SYNE1: variants seen among roughly 807,000 people sequenced by gnomAD.
SYNE1 encodes nesprin-1.
SYNE1 carries 616 observed loss-of-function variants against 1,111.0 expected under a neutral mutation model. That is an observed-to-expected ratio of 0.55 (90% CI 0.52 to 0.59). The LOEUF is 0.59. SYNE1 is among the 20% of genes least tolerant of loss of function. The pLI is 0.00. For synonymous variants in SYNE1, 3,855 were observed against 3,825.8 expected, an observed-to-expected ratio of 1.01 and a Z score of -0.28; for missense variants, 10,006 against 10,417.0, an observed-to-expected ratio of 0.96 and a Z score of 1.72.
At chr6:152,545,713 G>A (rs1201432145) in intron 3 of SYNE1, among the ~76,000 whole-genome samples, 2 of 152,210 alleles carry the variant, frequency 1.3e-5, no homozygotes, top group East Asian at 3.9e-4. Context: ...ATTTATAGGA[G>A]CTTGCAATAG....
rs751959963 is a variant in SYNE1 at position 152,376,431 on chromosome 6, C to CA, written c.9273dup (p.Asp3092Ter). ...ACTTCACTTATATTTTGAGGTATAT[C>CA]AAAACACTTGGCGGTAGTGATTTTT... On this transcript the variant is annotated frameshift_variant, in exon 58 of 146. Transcript: ENST00000367255. LOFTEE classifies it high-confidence loss of function. 6.2e-7 allele frequency: 1 copy of CA among 1,614,076 alleles called. No individual in the cohort carries two copies. The highest frequency in any genetic ancestry group is 1.1e-5 in the South Asian group (1 of 91,086).
chr6:152,230,854 C>A, intron 114 of SYNE1, 152 bp from the exon 115 acceptor site: 1 of 880,926 alleles, frequency 1.1e-6, no homozygotes, highest in Non-Finnish European at 1.7e-6. Flanking sequence ...GGTGTCTAAT[C>A]TTTTGGCTTC....
At chr6:152,606,860 T>C (rs1362189250) in intron 3 of SYNE1, among the ~76,000 whole-genome samples, 1 of 151,530 alleles carries the variant, frequency 6.6e-6, no homozygotes, top group Non-Finnish European at 1.5e-5. Context: ...TTCACCATGT[T>C]AGCCAGGATG....
intron 11 of SYNE1, among the ~76,000 whole-genome samples, chr6:152,490,858 G>A (rs1359070250): frequency 6.6e-6 from 1 of 152,132 alleles, no homozygotes; most frequent in Non-Finnish European, 1.5e-5. Context: ...GCCAGCCCAA[G>A]GAACATCTTA....
intron 56 of SYNE1, among the ~76,000 whole-genome samples, chr6:152,377,531 C>A (rs2097303987): frequency 6.9e-6 from 1 of 144,408 alleles, no homozygotes; most frequent in African/African-American, 2.6e-5. Flanking sequence ...ATCCCTAGAA[C>A]CTGGGAGGTG....
At chr6:152,161,727 C>T (rs1185350786) in intron 131 of SYNE1, among the ~76,000 whole-genome samples, 1 of 152,142 alleles carries the variant, frequency 6.6e-6, no homozygotes, top group African/African-American at 2.4e-5. Context: ...GCTGTGTATG[C>T]ACCTAAAGTA....
chr6:152,160,843 G>A (rs896688252), intron 131 of SYNE1, among the ~76,000 whole-genome samples: 1 of 151,966 alleles, frequency 6.6e-6, no homozygotes, highest in African/African-American at 2.4e-5. Flanking sequence ...CTTGTGTTTT[G>A]CAGTTTTACA....
chr6:152,452,600 A>T (rs1479623572), intron 25 of SYNE1, among the ~76,000 whole-genome samples: 1 of 152,134 alleles, frequency 6.6e-6, no homozygotes, highest in East Asian at 1.9e-4. Context: ...AATCTTCTGA[A>T]CTCCAAAACT....
chr6:152,461,552 C>T (rs751396201), intron 21 of SYNE1, 45 bp downstream of exon 21: 22 of 1,613,022 alleles, frequency 1.4e-5, no homozygotes, highest in Non-Finnish European at 1.8e-5. Context: ...GCTGAAGGCA[C>T]TGTTGGTGTC....
intron 14 of SYNE1, 112 bp downstream of exon 14, chr6:152,482,973 C>T: frequency 8.3e-7 from 1 of 1,203,588 alleles, no homozygotes; most frequent in South Asian, 1.2e-5. Context: ...CGTCTCCGAT[C>T]ATGTAGAATT....
chr6:152,518,428 C>G (rs953908015), intron 6 of SYNE1, among the ~76,000 whole-genome samples: 6 of 151,840 alleles, frequency 4.0e-5, no homozygotes, highest in Admixed American at 2.0e-4. Flanking sequence ...TAAAAGTGTG[C>G]AGCACCTCGC....
chr6:152,605,836 T>C (rs993343659), intron 3 of SYNE1, among the ~76,000 whole-genome samples: 5 of 152,188 alleles, frequency 3.3e-5, no homozygotes, highest in Admixed American at 3.3e-4. Flanking sequence ...TTTTTTTTCT[T>C]TTTCTTGGAT....
chr6:152,607,481 AC>A (rs972777988), intron 3 of SYNE1, among the ~76,000 whole-genome samples: 2 of 152,058 alleles, frequency 1.3e-5, no homozygotes, highest in African/African-American at 4.8e-5. Context: ...CAAATCAAAA[AC>A]ACAATGAGAT....
chr6:152,581,414 A>G (rs959848652), intron 3 of SYNE1, among the ~76,000 whole-genome samples: 2 of 152,200 alleles, frequency 1.3e-5, no homozygotes, highest in African/African-American at 4.8e-5. Context: ...TGCAAAGAAT[A>G]ATGTCATTCC....
intron 127 of SYNE1, among the ~76,000 whole-genome samples, chr6:152,191,441 T>C (rs2072337455): frequency 6.6e-6 from 1 of 152,164 alleles, no homozygotes; most frequent in South Asian, 2.1e-4. Flanking sequence ...CTTTTTATTA[T>C]GGCTTCAATC....
intron 42 of SYNE1, among the ~76,000 whole-genome samples, chr6:152,412,458 G>A (rs214987): frequency 0.52 from 77,918 of 150,806 alleles, 22,175 homozygotes; most frequent in East Asian, 0.75. Context: ...AGCTATTGAC[G>A]CACACAATGA....
chr6:152,463,225 G>T, intron 19 of SYNE1, 128 bp downstream of exon 19: 2 of 1,305,342 alleles, frequency 1.5e-6, no homozygotes, highest in Non-Finnish European at 1.1e-6. Context: ...AAAACACACC[G>T]GTTTTAAACA....
At chr6:152,357,643 CT>C (rs2096860233) in intron 66 of SYNE1, among the ~76,000 whole-genome samples, 1 of 152,102 alleles carries the variant, frequency 6.6e-6, no homozygotes, top group African/African-American at 2.4e-5. Context: ...TACTAATGTC[CT>C]CGCCATATTA....
chr6:152,381,201 G>A lies in SYNE1; in HGVS notation c.8814C>T (p.Phe2938=), dbSNP rs780165911. 3.5e-5 allele frequency: 56 copies of A among 1,614,078 alleles called. No individual in the cohort carries two copies. The highest frequency in any genetic ancestry group is 4.7e-5 in the Non-Finnish European group (55 of 1,180,050). ...GGTTCTCCAAACAGCTCTGCGTTTGGAATACACTGTCTTCCCACTGCTTCC... is the reference window on the plus strand; with the variant it reads ...GGTTCTCCAAACAGCTCTGCGTTTGAAATACACTGTCTTCCCACTGCTTCC... The part of the protein sequence containing the change: ...ADWKQWEDSV[F]QTQSCLENLV... The change falls in exon 56 of 146, where the codon TTC becomes TTT. Residue 2938 remains phenylalanine, a synonymous_variant. Transcript: ENST00000367255.
Sources: allele counts gnomAD v4.1 joint callset (sites outside exome capture counted in the v4.1 genomes callset), GRCh38; gene constraint gnomAD v4.1.1; transcripts MANE v1.5; gene names NCBI Gene and HGNC (gene_info 2026-07-23, HGNC 2026-07-21).